Variants in SLC8A3 observed in about 807,000 individuals in gnomAD.
SLC8A3 encodes the protein sodium/calcium exchanger 3.
A neutral mutation model predicts 65.4 loss-of-function variants in SLC8A3; 37 were observed. The ratio of observed to expected loss-of-function variants is 0.57; its 90% CI spans 0.44 to 0.74. The LOEUF (loss-of-function observed/expected upper bound fraction) is 0.74. Among genes scored for constraint, SLC8A3 ranks in the 30% least tolerant of loss-of-function variants. The pLI, the probability that SLC8A3 is intolerant of heterozygous loss-of-function variation, is 0.00. For missense variants in SLC8A3, 1,112 were observed against 1,172.1 expected (o/e 0.95, Z 0.75); for synonymous variants, 461 against 444.5 (o/e 1.04, Z -0.47).
chr14:70,175,651 G>C (rs533198428), intron 1 of SLC8A3, among the ~76,000 whole-genome samples: 2 of 152,068 alleles, frequency 1.3e-5, no homozygotes, highest in African/African-American at 4.8e-5. Flanking sequence ...ACTGTACTGG[G>C]CTTATCTGTT....
chr14:70,110,035 T>C (rs1893174576), intron 2 of SLC8A3, among the ~76,000 whole-genome samples: 1 of 152,124 alleles, frequency 6.6e-6, no homozygotes, highest in Non-Finnish European at 1.5e-5. Flanking sequence ...TTTTATTTTC[T>C]TAATTTTTTT....
At chr14:70,095,213 T>C (rs1309077165) in intron 2 of SLC8A3, among the ~76,000 whole-genome samples, 1 of 152,250 alleles carries the variant, frequency 6.6e-6, no homozygotes, top group East Asian at 1.9e-4. Flanking sequence ...CAAAGAGCTT[T>C]CTTTCATAAC....
intron 2 of SLC8A3, among the ~76,000 whole-genome samples, chr14:70,076,007 G>A (rs1048485210): frequency 2.6e-5 from 4 of 152,118 alleles, no homozygotes; most frequent in Non-Finnish European, 4.4e-5. Context: ...CAGTGAGAAC[G>A]CTGATCAAGC....
chr14:70,047,074 A>G (rs971043415), intron 6 of SLC8A3: 3 of 152,220 alleles, frequency 2.0e-5, no homozygotes, highest in African/African-American at 7.2e-5. Context: ...TCCTCATGTA[A>G]GGACCCTTTC....
chr14:70,186,810 C>T (rs1403151457), intron 1 of SLC8A3, among the ~76,000 whole-genome samples: 7 of 152,130 alleles, frequency 4.6e-5, no homozygotes, highest in Non-Finnish European at 1.0e-4. Flanking sequence ...TTGGATCCAG[C>T]CAGTGACGCC....
intron 2 of SLC8A3, among the ~76,000 whole-genome samples, chr14:70,079,795 A>G (rs1046793279): frequency 6.6e-6 from 1 of 152,164 alleles, no homozygotes; most frequent in African/African-American, 2.4e-5. Context: ...CTGGGCTCAG[A>G]ATTTTTATAT....
At chr14:70,104,201 C>T (rs1470378051) in intron 2 of SLC8A3, among the ~76,000 whole-genome samples, 3 of 151,986 alleles carry the variant, frequency 2.0e-5, no homozygotes, top group Non-Finnish European at 4.4e-5. Flanking sequence ...TGTTAACATC[C>T]TTGTCATAGT....
intron 1 of SLC8A3, among the ~76,000 whole-genome samples, chr14:70,183,831 T>C (rs1218224777): frequency 1.3e-5 from 2 of 152,212 alleles, no homozygotes; most frequent in African/African-American, 4.8e-5. Context: ...ACAATCTTCC[T>C]GTACCCAGCT....
chr14:70,057,855 G>A (rs1031445414), intron 3 of SLC8A3, among the ~76,000 whole-genome samples: 1 of 152,064 alleles, frequency 6.6e-6, no homozygotes, highest in Non-Finnish European at 1.5e-5. Flanking sequence ...CACGGTTGTC[G>A]AAAAAGGAGG....
chr14:70,123,072 C>CA (rs1258241299), intron 2 of SLC8A3, among the ~76,000 whole-genome samples: 2,596 of 100,726 alleles, frequency 0.026, 32 homozygotes, highest in Non-Finnish European at 0.042. Flanking sequence ...GACTCCATCT[C>CA]CAAAAAAAAA....
At chr14:70,048,610 C>CATT in intron 6 of SLC8A3, 157 bp downstream of exon 6, 1 of 720,634 alleles carries the variant, frequency 1.4e-6, no homozygotes, top group Non-Finnish European at 2.5e-6. Flanking sequence ...TTACTAATGT[C>CATT]ATTATTCATC....
At chr14:70,081,960 A>G (rs1375153085) in intron 2 of SLC8A3, among the ~76,000 whole-genome samples, 3 of 152,192 alleles carry the variant, frequency 2.0e-5, no homozygotes, top group Non-Finnish European at 2.9e-5. Flanking sequence ...TCCCTTATAA[A>G]TAACAGCTTC....
chr14:70,057,180 AC>A (rs1337476741), intron 3 of SLC8A3, among the ~76,000 whole-genome samples: 1 of 152,232 alleles, frequency 6.6e-6, no homozygotes, highest in Non-Finnish European at 1.5e-5. Flanking sequence ...TCTGCATGAT[AC>A]ATAAACAAGG....
chr14:70,138,978 G>C (rs1895396312), intron 2 of SLC8A3, among the ~76,000 whole-genome samples: 1 of 152,196 alleles, frequency 6.6e-6, no homozygotes. Context: ...TATTTAATGG[G>C]ATGTTGGATG....
chr14:70,055,746 T>C (rs932631809), intron 3 of SLC8A3: 2 of 1,549,476 alleles, frequency 1.3e-6, no homozygotes, highest in South Asian at 1.2e-5. Context: ...AACCAAATAA[T>C]GGCACTGGCA....
intron 2 of SLC8A3, among the ~76,000 whole-genome samples, chr14:70,073,055 A>ACCCTTCCCTTCCCTTCCCTT (rs58927473): frequency 1.3e-5 from 2 of 151,240 alleles, no homozygotes; most frequent in African/African-American, 4.9e-5. Context: ...TCTTCCTCTT[A>ACCCTTCCCTTCCCTTCCCTT]CCCTTCCCTT....
In SLC8A3 at chr14:70,049,029, A is replaced by G. The variant is rs1887142161; in HGVS notation, c.2127T>C (p.Asp709=). ...AITVSAAGDE[D]EDESGEERLP... is the part of the protein sequence containing the mutation. ...GCCTCTCCTCCCCGGATTCATCCTC[A>G]TCCTCATCCCCTGCTGAAGGCAAGA... The change falls in exon 6 of 7, where the codon GAT becomes GAC. Residue 709 remains aspartate (D), a synonymous_variant. Coordinates refer to ENST00000356921, the MANE Select transcript of SLC8A3 (RefSeq NM_182932.3). 3 of 1,607,470 alleles carry G rather than the reference A, an allele frequency of 1.9e-6. No individual in the cohort carries two copies. The highest frequency in any genetic ancestry group is 1.1e-5 in the South Asian group (1 of 90,488).
chr14:70,056,423 G>GTTGAC (rs756141081), intron 3 of SLC8A3, among the ~76,000 whole-genome samples: 5 of 152,238 alleles, frequency 3.3e-5, no homozygotes, highest in Admixed American at 1.3e-4. Flanking sequence ...TAGCTGCCAC[G>GTTGAC]TTGACTAGAA....
At position 70,169,675 on chromosome 14, in the gene SLC8A3, T is replaced by TAA. The variant is rs35915562; in HGVS notation, c.-62-1193_-62-1192dup. 0.02 allele frequency among the ~76,000 whole-genome samples: 1,910 copies of TAA among 94,628 alleles called. 192 individuals carry two copies. In the East Asian group the frequency reaches 0.33, roughly 16 times the overall value. 62.1% of individuals were successfully genotyped at this position (94,628 alleles called of 152,430 possible). On this transcript the variant is annotated intron_variant, in intron 1 of 6. Coordinates refer to ENST00000356921, the MANE Select transcript of SLC8A3 (RefSeq NM_182932.3). Reference sequence around the variant, plus strand: ...GAGAATGAAAATACCATGGAATAGCTAAAAAAAAAAAAAAGTGGGGGGGGG... The same window carrying TAA: ...GAGAATGAAAATACCATGGAATAGCTAAAAAAAAAAAAAAAAGTGGGGGGGGG...
Sources: gnomAD v4.1 joint callset for allele counts (sites outside exome capture counted in the v4.1 genomes callset) on GRCh38, gnomAD v4.1.1 for gene constraint, MANE v1.5 for transcripts, NCBI Gene and HGNC (gene_info 2026-07-23, HGNC 2026-07-21) for gene names.